The following PTPRD variants were observed in gnomAD, a reference collection of about 807,000 sequenced individuals.
PTPRD encodes protein tyrosine phosphatase receptor type D, also known as receptor-type tyrosine-protein phosphatase delta.
Under a neutral mutation model 214.5 loss-of-function variants are expected in PTPRD, and 34 were observed. The observed-to-expected ratio is 0.16, with a 90% CI of 0.12 to 0.21. The LOEUF (loss-of-function observed/expected upper bound fraction) is 0.21. PTPRD is among the 10% of genes least tolerant of loss of function. PTPRD has a pLI of 1.00. For synonymous variants in PTPRD, 1,128 were observed against 845.7 expected (o/e 1.33, Z -5.79); for missense variants, 2,545 against 2,398.7 (o/e 1.06, Z -1.27).
At position 9,801,978 on chromosome 9, in the gene PTPRD, A is replaced by C. The variant is rs1183029962; in HGVS notation, c.-367-35127T>G. ...ATGGAGTCAGCTTGGATAATTTTCA[A>C]AATTCAAGGATATATGGCAAGTTGG... is the stretch of plus-strand genomic sequence containing the variant. On this transcript the variant is annotated intron_variant, in intron 5 of 45. Transcript: ENST00000381196. Among the ~76,000 whole-genome samples, 15 of 152,228 alleles carry C rather than the reference A, an allele frequency of 9.9e-5. No individual in the cohort carries two copies. In the South Asian group the frequency reaches 1.4e-3, roughly 15 times the overall value.
chr9:8,877,013 GC>G (rs1276656968), intron 11 of PTPRD, among the ~76,000 whole-genome samples: 4 of 151,348 alleles, frequency 2.6e-5, no homozygotes, highest in South Asian at 2.1e-4. Context: ...AGCAACCTCT[GC>G]CCCCCGGGTT....
intron 9 of PTPRD, among the ~76,000 whole-genome samples, chr9:9,338,585 A>C (rs1394834504): frequency 6.6e-6 from 1 of 152,162 alleles, no homozygotes; most frequent in Non-Finnish European, 1.5e-5. Flanking sequence ...TCCCAGCTAA[A>C]CTATTGGTAT....
chr9:10,129,193 C>G (rs1003555878), intron 3 of PTPRD, among the ~76,000 whole-genome samples: 1 of 152,168 alleles, frequency 6.6e-6, no homozygotes, highest in East Asian at 1.9e-4. Flanking sequence ...ATTCATCTTG[C>G]TTTGTTTATA....
intron 4 of PTPRD, among the ~76,000 whole-genome samples, chr9:9,992,991 TAA>T (rs35642813): frequency 5.9e-5 from 9 of 151,512 alleles, no homozygotes; most frequent in South Asian, 4.2e-4. Context: ...ATTTCAAAGT[TAA>T]AAAAAAACAG....
intron 9 of PTPRD, among the ~76,000 whole-genome samples, chr9:9,198,060 C>G (rs972212752): frequency 6.6e-6 from 1 of 152,042 alleles, no homozygotes; most frequent in Admixed American, 6.5e-5. Flanking sequence ...AATTTTTAAC[C>G]ATGTATAAGG....
chr9:8,514,238 G>T (rs189150982), intron 21 of PTPRD, among the ~76,000 whole-genome samples: 2 of 152,246 alleles, frequency 1.3e-5, no homozygotes, highest in East Asian at 3.9e-4. Context: ...ACGACTGAAG[G>T]CATCAGGGTT....
At chr9:9,548,690 T>C (rs2079447892) in intron 8 of PTPRD, among the ~76,000 whole-genome samples, 1 of 152,086 alleles carries the variant, frequency 6.6e-6, no homozygotes, top group Non-Finnish European at 1.5e-5. Flanking sequence ...CGATGTATTA[T>C]AAGCACTGAT....
intron 2 of PTPRD, among the ~76,000 whole-genome samples, chr9:10,416,715 G>C (rs1036862541): frequency 1.3e-5 from 2 of 151,792 alleles, no homozygotes; most frequent in Admixed American, 6.6e-5. Context: ...TACCGTAATA[G>C]AGACTTAAGA....
At chr9:8,378,980 C>A (rs1373574370) in intron 37 of PTPRD, among the ~76,000 whole-genome samples, 1 of 152,044 alleles carries the variant, frequency 6.6e-6, no homozygotes, top group African/African-American at 2.4e-5. Context: ...TTGGCTTAGA[C>A]TCTGACCCCT....
At chr9:8,593,914 G>A (rs1310171205) in intron 14 of PTPRD, among the ~76,000 whole-genome samples, 1 of 152,006 alleles carries the variant, frequency 6.6e-6, no homozygotes, top group African/African-American at 2.4e-5. Context: ...CAAAGAGCTG[G>A]CCCTGGGAAC....
chr9:9,328,392 T>C (rs967289848), intron 9 of PTPRD, among the ~76,000 whole-genome samples: 1 of 152,058 alleles, frequency 6.6e-6, no homozygotes, highest in Admixed American at 6.6e-5. Context: ...ATCTTTAAAG[T>C]GGAGACAGCT....
chr9:8,810,970 T>C (rs773701561), intron 11 of PTPRD, among the ~76,000 whole-genome samples: 1 of 152,120 alleles, frequency 6.6e-6, no homozygotes, highest in Non-Finnish European at 1.5e-5. Flanking sequence ...CCTGCTGAAG[T>C]GCTGACTGAG....
chr9:8,689,355 C>T (rs1208420769), intron 12 of PTPRD, among the ~76,000 whole-genome samples: 1 of 152,184 alleles, frequency 6.6e-6, no homozygotes, highest in South Asian at 2.1e-4. Context: ...CTGGGTTAAT[C>T]TGTGGCACCA....
intron 5 of PTPRD, among the ~76,000 whole-genome samples, chr9:9,784,631 C>A (rs2098902781): frequency 6.6e-6 from 1 of 151,842 alleles, no homozygotes; most frequent in Non-Finnish European, 1.5e-5. Flanking sequence ...AATAACCTAG[C>A]AGACCATACT....
chr9:10,603,205 C>A (rs933369363), intron 2 of PTPRD, among the ~76,000 whole-genome samples: 7 of 151,814 alleles, frequency 4.6e-5, no homozygotes, highest in African/African-American at 1.7e-4. Context: ...CTCTTTCTGA[C>A]AGATTGGAAA....
At chr9:8,470,680 T>C (rs116606880) in intron 31 of PTPRD, among the ~76,000 whole-genome samples, 1,723 of 152,258 alleles carry the variant, frequency 0.011, 20 homozygotes, top group African/African-American at 0.034. Flanking sequence ...GGTGATTAAG[T>C]CTTTGCTGAC....
Position 8,319,877 on chromosome 9 carries a change from G to T in PTPRD, c.5624C>A (p.Thr1875Asn). ...TCGTTGTGTTCTTAACATTTTGACA[G>T]TCTGGAAGATATCTACAACTCCTTC... ...RYEGVVDIFQTVKMLRTQRPA... is the reference protein window; with the variant it reads ...RYEGVVDIFQNVKMLRTQRPA... The change falls in exon 45 of 46, where the codon ACT becomes AAT. Residue 1875 changes from threonine to asparagine, a missense_variant. Thr to Asn is a moderately conservative substitution (Grantham distance 65). Coordinates refer to ENST00000381196, the MANE Select transcript of PTPRD (RefSeq NM_002839.4). 6.2e-7 allele frequency: 1 copy of T among 1,613,064 alleles called. No individual in the cohort carries two copies. The highest frequency in any genetic ancestry group is 8.5e-7 in the Non-Finnish European group (1 of 1,179,430).
At chr9:9,365,043 C>G (rs1007870993) in intron 9 of PTPRD, among the ~76,000 whole-genome samples, 1 of 151,432 alleles carries the variant, frequency 6.6e-6, no homozygotes, top group Non-Finnish European at 1.5e-5. Flanking sequence ...GGATGACTCC[C>G]ATCTTACCTG....
chr9:8,681,936 C>T (rs113669236), intron 12 of PTPRD, among the ~76,000 whole-genome samples: 4 of 152,152 alleles, frequency 2.6e-5, no homozygotes, highest in Middle Eastern at 3.4e-3. Context: ...GCTGAACAAC[C>T]GACTACGGTA....
Sources: allele counts gnomAD v4.1 joint callset (sites outside exome capture counted in the v4.1 genomes callset), GRCh38; gene constraint gnomAD v4.1.1; transcripts MANE v1.5; gene names NCBI Gene and HGNC (gene_info 2026-07-23, HGNC 2026-07-21).